The following NLRP13 variants were observed in gnomAD, a reference collection of about 807,000 sequenced individuals.
NLRP13 encodes the protein NACHT, LRR and PYD domains-containing protein 13.
A neutral mutation model predicts 94.4 loss-of-function variants in NLRP13; 82 were observed. The observed-to-expected ratio is 0.87, with a 90% CI of 0.73 to 1.04. The LOEUF (loss-of-function observed/expected upper bound fraction) is 1.04. NLRP13 is among the 50% of genes least tolerant of loss of function. NLRP13 has a pLI of 0.00. For missense variants in NLRP13, 1,426 were observed against 1,230.8 expected (o/e 1.16, Z -2.37); for synonymous variants, 553 against 464.7 (o/e 1.19, Z -2.45).
At chr19:55,903,461 T>C (rs945204130) in intron 8 of NLRP13, among the ~76,000 whole-genome samples, 2 of 152,128 alleles carry the variant, frequency 1.3e-5, no homozygotes, top group African/African-American at 4.8e-5. Flanking sequence ...ACGATGCAGC[T>C]AGAGAAGAGG....
intron 8 of NLRP13, among the ~76,000 whole-genome samples, chr19:55,903,529 G>A (rs1340090409): frequency 6.6e-6 from 1 of 152,010 alleles, no homozygotes; most frequent in Non-Finnish European, 1.5e-5. Context: ...ATTCCCACAA[G>A]GCAATCTTCT....
intron 4 of NLRP13, among the ~76,000 whole-genome samples, chr19:55,919,649 C>G (rs1986764061): frequency 6.6e-6 from 1 of 151,288 alleles, no homozygotes; most frequent in Admixed American, 6.6e-5. Flanking sequence ...ATATATTCAA[C>G]CAAAGAGGTG....
chr19:55,895,927 C>A, downstream of NLRP13: 1 of 1,611,420 alleles, frequency 6.2e-7, no homozygotes, highest in Non-Finnish European at 8.5e-7. Flanking sequence ...TTCTCCCCTG[C>A]AGAAAAGTCA....
intron 9 of NLRP13, among the ~76,000 whole-genome samples, chr19:55,900,595 C>T (rs374457955): frequency 2.3e-3 from 304 of 132,744 alleles, no homozygotes; most frequent in African/African-American, 3.9e-3. Flanking sequence ...CATGGTGAAA[C>T]CCCATCTGTA....
intron 1 of NLRP13, among the ~76,000 whole-genome samples, chr19:55,925,245 T>A (rs942507282): frequency 6.6e-6 from 1 of 152,240 alleles, no homozygotes; most frequent in Non-Finnish European, 1.5e-5. Context: ...CATTCCTGCC[T>A]CAGGGCCTTG....
Position 55,902,168 on chromosome 19 carries a change from G to A in NLRP13, c.2656C>T (p.His886Tyr). The A allele has an allele frequency of 1.2e-6, 2 of 1,614,004 alleles. No individual in the cohort carries two copies. The highest frequency in any genetic ancestry group is 1.3e-5 in the African/African-American group (1 of 75,030). Reference protein sequence around the residue: ...FCQLAAPACKHLSDALLQNRS... With the variant: ...FCQLAAPACKYLSDALLQNRS... ...TTCTGCAGGAGAGCATCTGACAAGT[G>A]CTTGCAAGCGGGTGCTGCCAGCTGG... Residue 886 changes from histidine to tyrosine, a missense_variant, in exon 9 of 11, where the codon CAC becomes TAC. Physicochemically the swap from His to Tyr is moderately conservative, Grantham distance 83. Transcript: ENST00000342929.
chr19:55,926,217 G>C (rs754534288), intron 1 of NLRP13, among the ~76,000 whole-genome samples: 1 of 152,184 alleles, frequency 6.6e-6, no homozygotes, highest in African/African-American at 2.4e-5. Context: ...TCACCATCTG[G>C]ATCTTCATAG....
At chr19:55,902,264 T>TTTATTTAA in intron 8 of NLRP13, 59 bp from the exon 9 acceptor site, 2 of 1,507,732 alleles carry the variant, frequency 1.3e-6, no homozygotes, top group Non-Finnish European at 9.1e-7. Flanking sequence ...CCCAGGCTCC[T>TTTATTTAA]GGAACAGAGC....
intron 4 of NLRP13, among the ~76,000 whole-genome samples, chr19:55,923,175 T>C (rs116602800): frequency 0.013 from 2,037 of 152,320 alleles, 52 homozygotes; most frequent in African/African-American, 0.046. Context: ...ATATCAGTTA[T>C]TTAACAAAAG....
In NLRP13 at chr19:55,912,494, C is replaced by A; in HGVS notation, c.1323G>T (p.Arg441Ser). The change falls in exon 5 of 11, where the codon AGG becomes AGT. Residue 441 changes from arginine (R) to serine (S), a missense_variant. Coordinates refer to ENST00000342929, the MANE Select transcript of NLRP13 (RefSeq NM_176810.2). Reference protein sequence around the residue: ...VCSCLKQPKVRYYDLQSITQT... With the variant: ...VCSCLKQPKVSYYDLQSITQT... ...GAGTGATTGACTGGAGATCGTAATA[C>A]CTCACCTTCGGCTGCTTCAGACAGG... The A allele has an allele frequency of 6.2e-7, 1 of 1,614,110 alleles. No homozygotes were observed. Among genetic ancestry groups the A allele is most frequent in the Non-Finnish European group, 8.5e-7 (1 of 1,179,978 alleles).
At chr19:55,927,062 T>C (rs1399368138) in intron 1 of NLRP13, among the ~76,000 whole-genome samples, 2 of 150,400 alleles carry the variant, frequency 1.3e-5, no homozygotes, top group Non-Finnish European at 3.0e-5. Context: ...AAAGAGAGAA[T>C]AGATTTAAGT....
At chr19:55,905,847 A>G (rs1986331015) in intron 7 of NLRP13, among the ~76,000 whole-genome samples, 1 of 152,176 alleles carries the variant, frequency 6.6e-6, no homozygotes, top group Admixed American at 6.5e-5. Flanking sequence ...TTGTCCAGGC[A>G]TTGCCAAATG....
chr19:55,927,476 A>T (rs1203241127), intron 1 of NLRP13, among the ~76,000 whole-genome samples: 1 of 149,990 alleles, frequency 6.7e-6, no homozygotes, highest in Admixed American at 6.7e-5. Context: ...AAAAAATCCC[A>T]GTTCTGGACT....
At position 55,902,345 on chromosome 19, in the gene NLRP13, A is replaced by C; in HGVS notation, c.2619-140T>G. On this transcript the variant is annotated intron_variant, in intron 8 of 10. Coordinates refer to ENST00000342929, the MANE Select transcript of NLRP13 (RefSeq NM_176810.2). Reference sequence around the variant, plus strand: ...ACAAGGTCTTTCTTTTTAGCTGGACACCGACCCAGGCTATGGCAGTATCTT... The same window carrying C: ...ACAAGGTCTTTCTTTTTAGCTGGACCCCGACCCAGGCTATGGCAGTATCTT... 4.5e-6 allele frequency: 3 copies of C among 663,488 alleles called. No individual in the cohort carries two copies. In the South Asian group the frequency reaches 5.8e-5, roughly 13 times the overall value. The allele number at this position is 663,488 out of a possible 1,614,324, so 41.1% of individuals were successfully genotyped here.
At chr19:55,894,742 G>A (rs1384363567), downstream of NLRP13, among the ~76,000 whole-genome samples, 3 of 152,170 alleles carry the variant, frequency 2.0e-5, no homozygotes, top group South Asian at 2.1e-4. Flanking sequence ...GCTCATGTCC[G>A]TTTGTTTCCC....
At chr19:55,908,571 C>T (rs1213081260) in intron 6 of NLRP13, among the ~76,000 whole-genome samples, 2 of 134,200 alleles carry the variant, frequency 1.5e-5, no homozygotes, top group East Asian at 4.4e-4. Context: ...CACCTATACA[C>T]CATGGAATAC....
downstream of NLRP13, among the ~76,000 whole-genome samples, chr19:55,893,456 T>G (rs1477912692): frequency 6.6e-6 from 1 of 152,120 alleles, no homozygotes; most frequent in Non-Finnish European, 1.5e-5. Context: ...CAAACACAAT[T>G]ACTTTGGCAC....
rs1431703049 is a variant in NLRP13, at chr19:55,916,094, A to G, written c.524-2801T>C. ...GTAAACCACTACTAAAACCACATTT[A>G]GAAAGCCACTGCACTAATACTGTCT... On this transcript the variant is annotated intron_variant, in intron 4 of 10. Transcript: ENST00000342929. 1.2e-4 allele frequency among the ~76,000 whole-genome samples: 18 copies of G among 152,250 alleles called. 1 individual carries two copies. The highest frequency in any genetic ancestry group is 5.9e-5 in the Non-Finnish European group (4 of 68,048).
At chr19:55,925,801 T>C (rs1986953220) in intron 1 of NLRP13, among the ~76,000 whole-genome samples, 1 of 152,204 alleles carries the variant, frequency 6.6e-6, no homozygotes, top group Non-Finnish European at 1.5e-5. Flanking sequence ...TGCTTGTCAC[T>C]GTTTACATGG....
Sources: allele counts gnomAD v4.1 joint callset (sites outside exome capture counted in the v4.1 genomes callset), GRCh38; gene constraint gnomAD v4.1.1; transcripts MANE v1.5; gene names NCBI Gene and HGNC (gene_info 2026-07-23, HGNC 2026-07-21).